Variants in SMURF2 observed in about 807,000 individuals in gnomAD.
SMURF2 encodes SMAD specific E3 ubiquitin protein ligase 2, also known as E3 ubiquitin-protein ligase SMURF2.
Under a neutral mutation model 109.6 loss-of-function variants are expected in SMURF2, and 48 were observed. That is an observed-to-expected ratio of 0.44 (90% CI 0.35 to 0.56). The LOEUF is 0.56. SMURF2 is among the 20% of genes least tolerant of loss of function. SMURF2 has a pLI of 0.01. For missense variants in SMURF2, 575 were observed against 909.0 expected (o/e 0.63, Z 4.72); for synonymous variants, 288 against 317.1 (o/e 0.91, Z 0.97).
At chr17:64,589,076 G>A (rs1471479102) in intron 5 of SMURF2, among the ~76,000 whole-genome samples, 1 of 152,128 alleles carries the variant, frequency 6.6e-6, no homozygotes, top group Non-Finnish European at 1.5e-5. Context: ...GAATCATAAT[G>A]TTTGAGTCCA....
intron 1 of SMURF2, among the ~76,000 whole-genome samples, chr17:64,642,841 T>A (rs976842069): frequency 1.3e-5 from 2 of 151,972 alleles, no homozygotes; most frequent in East Asian, 3.9e-4. Flanking sequence ...GTCGCCCCAG[T>A]TGCAGTGCAG....
intron 1 of SMURF2, among the ~76,000 whole-genome samples, chr17:64,643,321 C>A (rs1164828615): frequency 2.0e-5 from 3 of 152,072 alleles, no homozygotes; most frequent in African/African-American, 7.2e-5. Context: ...CTGCACCCGG[C>A]CTAAATTGAA....
At chr17:64,550,255 T>C (rs923211312) in intron 16 of SMURF2, among the ~76,000 whole-genome samples, 2 of 152,222 alleles carry the variant, frequency 1.3e-5, no homozygotes, top group Non-Finnish European at 2.9e-5. Context: ...ATTGAAGGCA[T>C]TGAATAAAAT....
At chr17:64,582,629 C>T (rs980030163) in intron 7 of SMURF2, among the ~76,000 whole-genome samples, 5 of 152,170 alleles carry the variant, frequency 3.3e-5, no homozygotes, top group Non-Finnish European at 5.9e-5. Context: ...GACTGAGTCT[C>T]GCTCTATCGC....
At chr17:64,559,367 G>A (rs1192426358) in intron 12 of SMURF2, among the ~76,000 whole-genome samples, 4 of 151,946 alleles carry the variant, frequency 2.6e-5, no homozygotes, top group East Asian at 1.9e-4. Flanking sequence ...AGGCTAAGGC[G>A]GGCAGATCAC....
At chr17:64,655,330 C>T (rs1266993407) in intron 1 of SMURF2, among the ~76,000 whole-genome samples, 8 of 139,854 alleles carry the variant, frequency 5.7e-5, no homozygotes, top group African/African-American at 1.1e-4. Flanking sequence ...GGCATGATCT[C>T]GCCTGCAACC....
chr17:64,548,357 G>A (rs527742201), intron 16 of SMURF2, among the ~76,000 whole-genome samples: 10 of 152,122 alleles, frequency 6.6e-5, no homozygotes, highest in African/African-American at 2.2e-4. Flanking sequence ...TTCAGAAATG[G>A]GTGTTGAATA....
At chr17:64,596,103 T>C (rs1344199253) in intron 3 of SMURF2, among the ~76,000 whole-genome samples, 1 of 152,080 alleles carries the variant, frequency 6.6e-6, no homozygotes, top group Non-Finnish European at 1.5e-5. Context: ...TAAATATGTA[T>C]ATATACATAT....
chr17:64,622,095 T>A (rs1221315332), intron 1 of SMURF2, among the ~76,000 whole-genome samples: 1 of 148,998 alleles, frequency 6.7e-6, no homozygotes, highest in Non-Finnish European at 1.5e-5. Context: ...AATAATAAAT[T>A]TAAAAAAATA....
At chr17:64,660,181 A>C (rs908332037) in intron 1 of SMURF2, among the ~76,000 whole-genome samples, 2 of 152,226 alleles carry the variant, frequency 1.3e-5, no homozygotes, top group African/African-American at 4.8e-5. Context: ...CAGAAAATCA[A>C]AAACCCAATT....
chr17:64,549,704 G>A (rs782138457), intron 16 of SMURF2, among the ~76,000 whole-genome samples: 31 of 152,322 alleles, frequency 2.0e-4, no homozygotes, highest in Middle Eastern at 3.4e-3. Flanking sequence ...GTTGCGGTAA[G>A]TGGAGATTGT....
chr17:64,597,639 G>A (rs1267784316), intron 3 of SMURF2, among the ~76,000 whole-genome samples: 5 of 151,868 alleles, frequency 3.3e-5, no homozygotes, highest in Non-Finnish European at 7.4e-5. Flanking sequence ...TGAATGTGGT[G>A]GTGGGCACCT....
At chr17:64,654,247 T>C (rs1004877636) in intron 1 of SMURF2, among the ~76,000 whole-genome samples, 2 of 152,170 alleles carry the variant, frequency 1.3e-5, no homozygotes, top group Non-Finnish European at 2.9e-5. Flanking sequence ...CCAATTTTTG[T>C]ACAAAACCAA....
At chr17:64,580,542 A>T (rs965446577) in intron 8 of SMURF2, among the ~76,000 whole-genome samples, 5 of 152,188 alleles carry the variant, frequency 3.3e-5, no homozygotes, top group African/African-American at 1.2e-4. Context: ...TTTGTTATAA[A>T]CTAGTCATCT....
At chr17:64,655,885 A>G (rs1414211983) in intron 1 of SMURF2, among the ~76,000 whole-genome samples, 4 of 152,090 alleles carry the variant, frequency 2.6e-5, no homozygotes, top group African/African-American at 9.7e-5. Context: ...ACAGAGTGAG[A>G]CTCCGTCTCT....
rs1189270387 is a variant in SMURF2 at position 64,546,312 on chromosome 17, T to C, written c.2098A>G (p.Ile700Val). ...QGAAGPRLFT[I>V]HQIDACTNNL... ...TTAGTGCAGGCATCAATCTGGTGTA[T>C]GGTAAAGAGTCTCGGGCCTGCAGCA... The change falls in exon 18 of 19, where the codon ATA becomes GTA. Residue 700 changes from isoleucine to valine, a missense_variant. Physicochemically the swap from Ile to Val is conservative, Grantham distance 29. This residue lies in a region of SMURF2 where 361 missense variants were observed against 612.1 expected (regional missense o/e 0.59). Coordinates refer to ENST00000262435, the MANE Select transcript of SMURF2 (RefSeq NM_022739.4). The C allele has an allele frequency of 1.2e-6, 2 of 1,613,974 alleles. No individual in the cohort carries two copies. Among genetic ancestry groups the C allele is most frequent in the African/African-American group, 1.3e-5 (1 of 75,022 alleles).
intron 1 of SMURF2, among the ~76,000 whole-genome samples, chr17:64,661,268 G>C (rs1174555867): frequency 6.6e-6 from 1 of 152,156 alleles, no homozygotes; most frequent in Admixed American, 6.5e-5. Flanking sequence ...TCACCTCAGA[G>C]ACATGAGTTT....
At chr17:64,560,184 C>G (rs1451230182) in intron 12 of SMURF2, among the ~76,000 whole-genome samples, 1 of 151,922 alleles carries the variant, frequency 6.6e-6, no homozygotes, top group Non-Finnish European at 1.5e-5. Context: ...CACTGCACTC[C>G]ATGGAGCCTG....
rs182130692 is a variant in SMURF2, at chr17:64,610,128, G to A, written c.53-3488C>T. Among the ~76,000 whole-genome samples the A allele has an allele frequency of 9.1e-3, 1,387 of 152,286 alleles. 27 individuals carry two copies. Among genetic ancestry groups the A allele is most frequent in the African/African-American group, 0.032 (1,312 of 41,544 alleles). ...AACAACAGATGCTGGAGAGGATGTG[G>A]AGAAATAGGAATGCTTTTACACTGT... On this transcript the variant is annotated intron_variant, in intron 1 of 18. Transcript: ENST00000262435.
Sources: gnomAD v4.1 joint callset for allele counts (sites outside exome capture counted in the v4.1 genomes callset) on GRCh38, gnomAD v4.1.1 for gene constraint, gnomAD v4.1.1 regional missense constraint, MANE v1.5 for transcripts, NCBI Gene and HGNC (gene_info 2026-07-23, HGNC 2026-07-21) for gene names.